The following NDUFAF6 variants were observed in gnomAD, a reference collection of about 807,000 sequenced individuals.
NDUFAF6 encodes NADH:ubiquinone oxidoreductase complex assembly factor 6.
In NDUFAF6, 45 loss-of-function variants were observed where a neutral mutation model predicts 40.8. The ratio of observed to expected loss-of-function variants is 1.10; its 90% CI spans 0.87 to 1.42. NDUFAF6 has a LOEUF of 1.42. Ranked by LOEUF, NDUFAF6 falls within the 40% of genes most tolerant of loss-of-function variation. NDUFAF6 has a pLI of 0.00. For missense variants in NDUFAF6, 435 were observed against 418.5 expected (o/e 1.04, Z -0.34); for synonymous variants, 185 against 155.9 (o/e 1.19, Z -1.39).
intron 1 of NDUFAF6, among the ~76,000 whole-genome samples, chr8:94,917,305 C>T (rs548529547): frequency 6.6e-6 from 1 of 152,142 alleles, no homozygotes; most frequent in Non-Finnish European, 1.5e-5. Flanking sequence ...TTACAAATAT[C>T]TTTGCATTAA....
At chr8:95,078,055 A>T (rs998686639), downstream of NDUFAF6, among the ~76,000 whole-genome samples, 1 of 152,204 alleles carries the variant, frequency 6.6e-6, no homozygotes, top group Admixed American at 6.5e-5. Context: ...GAGGCCACTC[A>T]TAAAGCAGAC....
intron 2 of NDUFAF6, chr8:95,033,913 G>C: frequency 9.0e-6 from 4 of 443,902 alleles, no homozygotes; most frequent in Non-Finnish European, 1.4e-5. Flanking sequence ...GTAAGGTCTT[G>C]GAGACACCAT....
chr8:94,931,605 C>CAT (rs141760825), intron 1 of NDUFAF6, among the ~76,000 whole-genome samples: 11 of 149,028 alleles, frequency 7.4e-5, no homozygotes, highest in East Asian at 1.9e-4. Flanking sequence ...CACACACACA[C>CAT]ACACATAAAA....
At chr8:95,086,501 C>T (rs575778226) in intron 2 of NDUFAF6, among the ~76,000 whole-genome samples, 115 of 152,322 alleles carry the variant, frequency 7.5e-4, no homozygotes, top group Non-Finnish European at 1.1e-3. Flanking sequence ...CCGAAATGGC[C>T]TCCTTCCCTT....
intron 2 of NDUFAF6, among the ~76,000 whole-genome samples, chr8:94,996,095 C>CTTGACTATCTGT (rs2131629628): frequency 6.6e-6 from 1 of 152,280 alleles, no homozygotes; most frequent in Non-Finnish European, 1.5e-5. Flanking sequence ...CAAGCTGTTT[C>CTTGACTATCTGT]TTCCTAGATA....
chr8:94,939,816 T>C (rs1431478632), intron 1 of NDUFAF6: 1 of 1,573,356 alleles, frequency 6.4e-7, no homozygotes, highest in Non-Finnish European at 8.6e-7. Flanking sequence ...ACAAAATGCA[T>C]GCTCAGTGGA....
At chr8:94,945,857 G>A (rs759206573) in intron 2 of NDUFAF6, among the ~76,000 whole-genome samples, 18 of 152,138 alleles carry the variant, frequency 1.2e-4, no homozygotes, top group Non-Finnish European at 2.1e-4. Context: ...CAGTTTCCCC[G>A]ACAAGAGAAA....
At chr8:95,021,267 A>G (rs1259965197), upstream of NDUFAF6, among the ~76,000 whole-genome samples, 1 of 152,172 alleles carries the variant, frequency 6.6e-6, no homozygotes, top group African/African-American at 2.4e-5. Flanking sequence ...TGGGATTATC[A>G]CCAAATGGCC....
intron 1 of NDUFAF6, among the ~76,000 whole-genome samples, chr8:94,898,890 A>G (rs1307685756): frequency 1.3e-5 from 2 of 152,228 alleles, no homozygotes; most frequent in African/African-American, 4.8e-5. Context: ...AACTTTCACC[A>G]AGGTATTTTT....
At chr8:95,058,728 T>C (rs1832478747), downstream of NDUFAF6, 1 of 994,752 alleles carries the variant, frequency 1.0e-6, no homozygotes. Context: ...CATTCTGCGC[T>C]ATACATTGTG....
At chr8:95,064,350 T>C (rs1218390489) in intron 9 of NDUFAF6, among the ~76,000 whole-genome samples, 1 of 151,864 alleles carries the variant, frequency 6.6e-6, no homozygotes, top group Non-Finnish European at 1.5e-5. Flanking sequence ...GAATTTGTAA[T>C]ACACTCTTTC....
intron 3 of NDUFAF6, among the ~76,000 whole-genome samples, chr8:95,036,676 G>T (rs547697532): frequency 6.4e-4 from 98 of 152,352 alleles, no homozygotes; most frequent in African/African-American, 2.3e-3. Context: ...TCTGGCCTTT[G>T]TTGGGAAATA....
At chr8:95,054,849 G>T (rs1831928239) in intron 8 of NDUFAF6, among the ~76,000 whole-genome samples, 1 of 152,124 alleles carries the variant, frequency 6.6e-6, no homozygotes, top group Admixed American at 6.5e-5. Context: ...CCTCTTAATT[G>T]TTTTATATAT....
chr8:95,048,516 A>G lies in NDUFAF6; in HGVS notation c.774A>G (p.Val258=). 6.2e-7 allele frequency: 1 copy of G among 1,614,196 alleles called. No individual in the cohort carries two copies. Among genetic ancestry groups the G allele is most frequent in the South Asian group, 1.1e-5 (1 of 91,084 alleles). ...ACCAAGATAAAAATGTGAGAGATGT[A>G]ATATATGACATTGCCAGTCAAGCAC... ...RRNQDKNVRD[V]IYDIASQAHL... The change falls in exon 7 of 9, where the codon GTA becomes GTG. Residue 258 remains valine, a synonymous_variant. Transcript: ENST00000396124.
At chr8:94,912,920 A>C (rs886754325) in intron 1 of NDUFAF6, among the ~76,000 whole-genome samples, 2 of 152,184 alleles carry the variant, frequency 1.3e-5, no homozygotes, top group Non-Finnish European at 2.9e-5. Context: ...GGGAGGTTGC[A>C]GTGAGCCCAG....
At chr8:95,075,776 T>G in exon 10 of NDUFAF6, 9 of 1,119,762 alleles carry the variant, frequency 8.0e-6, no homozygotes, top group Non-Finnish European at 1.1e-5. Context: ...GAAACCTTCT[T>G]GCTTAACTAG....
chr8:95,029,647 C>T, intron 1 of NDUFAF6, among the ~76,000 whole-genome samples: 1 of 152,222 alleles, frequency 6.6e-6, no homozygotes. Context: ...CAATCTGGAA[C>T]AATTCCTCAC....
intron 1 of NDUFAF6, among the ~76,000 whole-genome samples, chr8:94,932,338 A>G (rs1251588688): frequency 6.6e-6 from 1 of 152,162 alleles, no homozygotes; most frequent in African/African-American, 2.4e-5. Flanking sequence ...AAGCACCTCA[A>G]TTTTCTGTGC....
chr8:95,011,186 G>A (rs1827214500), intron 2 of NDUFAF6, among the ~76,000 whole-genome samples: 1 of 152,228 alleles, frequency 6.6e-6, no homozygotes, highest in Admixed American at 6.5e-5. Flanking sequence ...AGGGCCTTCA[G>A]TGACACGTGC....
Sources: gnomAD v4.1 joint callset for allele counts (sites outside exome capture counted in the v4.1 genomes callset) on GRCh38, gnomAD v4.1.1 for gene constraint, MANE v1.5 for transcripts, NCBI Gene and HGNC (gene_info 2026-07-23, HGNC 2026-07-21) for gene names.